NACC2: variants seen among roughly 807,000 people sequenced by gnomAD.
NACC2 encodes nucleus accumbens-associated protein 2.
A neutral mutation model predicts 25.1 loss-of-function variants in NACC2; 8 were observed. The ratio of observed to expected loss-of-function variants is 0.32; its 90% CI spans 0.19 to 0.57. The LOEUF (loss-of-function observed/expected upper bound fraction) is 0.57. NACC2 is among the 20% of genes least tolerant of loss of function. The pLI, the probability that NACC2 is intolerant of heterozygous loss-of-function variation, is 0.89. For missense variants in NACC2, 644 were observed against 650.2 expected (o/e 0.99, Z 0.10); for synonymous variants, 435 against 294.7 (o/e 1.48, Z -4.88).
chr9:136,089,537 G>T (rs113355235), intron 1 of NACC2, among the ~76,000 whole-genome samples: 3,909 of 151,754 alleles, frequency 0.026, 80 homozygotes, highest in Admixed American at 0.056. Flanking sequence ...AGCGCTGGGG[G>T]CCTCTCCCCA....
chr9:136,017,233 G>A (rs951121492), intron 2 of NACC2, among the ~76,000 whole-genome samples: 1 of 152,168 alleles, frequency 6.6e-6, no homozygotes. Flanking sequence ...CTGCAGCTGT[G>A]CAGCGCGACC....
intron 2 of NACC2, among the ~76,000 whole-genome samples, chr9:136,048,442 G>A (rs2131160784): frequency 6.6e-6 from 1 of 152,336 alleles, no homozygotes; most frequent in South Asian, 2.1e-4. Context: ...AAAGCTCCCA[G>A]TCTCAGGACA....
Position 136,050,034 on chromosome 9 carries a change from G to A in NACC2, c.488C>T (p.Pro163Leu). The A allele has an allele frequency of 1.4e-6, 1 of 708,136 alleles. No homozygotes were observed. Among genetic ancestry groups the A allele is most frequent in the East Asian group, 2.5e-5 (1 of 40,248 alleles). 43.9% of individuals were successfully genotyped at this position (708,136 alleles called of 1,614,324 possible). The change falls in exon 2 of 6, where the codon CCC (proline) becomes CTC (leucine). Residue 163 changes from proline (P) to leucine (L), a missense_variant. Coordinates refer to ENST00000277554, the MANE Select transcript of NACC2 (RefSeq NM_144653.5). ...AAAAAPYVVS[P>L]SVPIPLLTRV... ...GGTCAGCAGCGGGATGGGCACCGAGGGGGACACGACGTAGGGGGCCGCGGC... is the reference window on the plus strand; with the variant it reads ...GGTCAGCAGCGGGATGGGCACCGAGAGGGACACGACGTAGGGGGCCGCGGC...
Position 136,007,495 on chromosome 9 carries a change from A to G in NACC2, c.*4021T>C, listed in dbSNP as rs1293648860. ...CACACAGACGCACACACGCACAGAC[A>G]CACACATGCACAGACGCGCACACAC... On this transcript the variant is annotated 3_prime_UTR_variant, in exon 6 of 6. Coordinates refer to ENST00000277554, the MANE Select transcript of NACC2 (RefSeq NM_144653.5). 2 of 150,406 alleles carry G rather than the reference A, an allele frequency of 1.3e-5. No homozygotes were observed. The highest frequency in any genetic ancestry group is 2.2e-4 in the South Asian group (1 of 4,608). 9.3% of individuals were successfully genotyped at this position (150,406 alleles called of 1,614,324 possible).
chr9:136,069,089 G>A (rs1841120729), intron 1 of NACC2, among the ~76,000 whole-genome samples: 1 of 151,288 alleles, frequency 6.6e-6, no homozygotes, highest in Non-Finnish European at 1.5e-5. Context: ...TGTATTTTTA[G>A]TAGAGACGGG....
rs1830426684 is a variant in NACC2 at position 136,090,817 on chromosome 9, G to A, written c.-60+4372C>T. Among the ~76,000 whole-genome samples, 7 of 152,154 alleles carry A rather than the reference G, an allele frequency of 4.6e-5. No homozygotes were observed. The South Asian group carries it at 1.2e-3, about 27-fold the overall frequency. ...CCGGGCTGCCCTCGGGGCCCCGGTG[G>A]CTGAGCTGGGGCCGGCCAGCCCTGG... is the stretch of plus-strand genomic sequence containing the variant. On this transcript the variant is annotated intron_variant, in intron 1 of 5. Transcript: ENST00000277554.
rs543921731 is a variant in NACC2 at position 136,057,403 on chromosome 9, G to A, written c.-59-6823C>T. Reference sequence around the variant, plus strand: ...GACAGCTGGGGCTGGGGTGGCTCCTGTTGAGCCCCAGATCCGCCCTATGGC... The same window carrying A: ...GACAGCTGGGGCTGGGGTGGCTCCTATTGAGCCCCAGATCCGCCCTATGGC... On this transcript the variant is annotated intron_variant, in intron 1 of 5. Transcript: ENST00000277554. Among the ~76,000 whole-genome samples, 4 of 152,314 alleles carry A rather than the reference G, an allele frequency of 2.6e-5. No individual in the cohort carries two copies. In the East Asian group the frequency reaches 7.7e-4, roughly 29 times the overall value.
At chr9:136,057,723 C>T (rs914999805) in intron 1 of NACC2, among the ~76,000 whole-genome samples, 1 of 152,212 alleles carries the variant, frequency 6.6e-6, no homozygotes, top group Non-Finnish European at 1.5e-5. Context: ...ATTGGGGCTG[C>T]CCAGGCGGAG....
chr9:136,071,522 GAT>G (rs1841151504), intron 1 of NACC2, among the ~76,000 whole-genome samples: 1 of 121,230 alleles, frequency 8.2e-6, no homozygotes. Context: ...CAGCCTGGAT[GAT>G]AGAGTGAGAC....
At chr9:136,012,150 C>A in intron 5 of NACC2, 126 bp from the exon 6 acceptor site, 2 of 1,203,628 alleles carry the variant, frequency 1.7e-6, no homozygotes, top group South Asian at 1.6e-5. Flanking sequence ...ATGTGACCAC[C>A]TGGGGCTCTC....
At chr9:136,047,142 T>G (rs1840742160) in intron 2 of NACC2, among the ~76,000 whole-genome samples, 1 of 152,048 alleles carries the variant, frequency 6.6e-6, no homozygotes, top group Non-Finnish European at 1.5e-5. Context: ...CTGCCTCCAC[T>G]CCTGCACGGC....
intron 2 of NACC2, among the ~76,000 whole-genome samples, chr9:136,028,389 T>G (rs568723780): frequency 6.6e-6 from 1 of 151,434 alleles, no homozygotes; most frequent in East Asian, 1.9e-4. Flanking sequence ...TTTTTTTTTT[T>G]TTTTTGAGAC....
rs762425128 is a variant in NACC2, at chr9:136,013,968, G to C, written c.1053C>G (p.Gly351=). 6.4e-7 allele frequency: 1 copy of C among 1,559,822 alleles called. No homozygotes were observed. Among genetic ancestry groups the C allele is most frequent in the South Asian group, 1.1e-5 (1 of 90,428 alleles). ...GGCCGCGTGTGATGTAGACCCCAGA[G>C]CCTGCAGCCACCAAACAGAAAAAGG... is the stretch of plus-strand genomic sequence containing the variant. The part of the protein sequence containing the change: ...DPGEKLELVA[G]SGVYITRGQL... The change falls in exon 4 of 6, where the codon GGC becomes GGG. Residue 351 remains glycine (G), a splice_region_variant and synonymous_variant. Coordinates refer to ENST00000277554, the MANE Select transcript of NACC2 (RefSeq NM_144653.5). The surrounding 1 kb of genome is among the most constrained non-coding windows in gnomAD (Gnocchi z 6.6).
chr9:136,094,999 G>T (rs1383806408), intron 1 of NACC2, among the ~76,000 whole-genome samples, 190 bp downstream of exon 1: 1 of 146,082 alleles, frequency 6.8e-6, no homozygotes, highest in Non-Finnish European at 1.5e-5. Flanking sequence ...TCCCGAGGCC[G>T]GTTCCCGCGC....
At chr9:136,048,302 C>T (rs1421565574) in intron 2 of NACC2, among the ~76,000 whole-genome samples, 1 of 152,180 alleles carries the variant, frequency 6.6e-6, no homozygotes, top group African/African-American at 2.4e-5. Context: ...AGAGGGAAAG[C>T]GCACATGGGG....
intron 2 of NACC2, among the ~76,000 whole-genome samples, chr9:136,023,978 T>C (rs1481309299): frequency 6.6e-6 from 1 of 152,206 alleles, no homozygotes; most frequent in Non-Finnish European, 1.5e-5. Flanking sequence ...CACGTGCACA[T>C]GCGTCAGACA....
intron 1 of NACC2, among the ~76,000 whole-genome samples, chr9:136,051,033 AGGAG>A (rs1004306406): frequency 6.6e-6 from 1 of 152,146 alleles, no homozygotes; most frequent in African/African-American, 2.4e-5. Context: ...GCAGCGGGGA[AGGAG>A]GGAGGGAGGG....
intron 1 of NACC2, among the ~76,000 whole-genome samples, chr9:136,094,942 C>A (rs1285655868): frequency 6.8e-6 from 1 of 146,852 alleles, no homozygotes; most frequent in East Asian, 2.0e-4. Context: ...GGGTCGCGGG[C>A]GCCTCCGCCG....
rs1054961749 is a variant in NACC2, at chr9:136,027,157, G to A, written c.887-10728C>T. On this transcript the variant is annotated intron_variant, in intron 2 of 5. Coordinates refer to ENST00000277554, the MANE Select transcript of NACC2 (RefSeq NM_144653.5). ...CAAGAATTGCTAGAACCCGGGAGGC[G>A]GAGGTTGCAGTGAGCCGAGATAGCG... 6.6e-5 allele frequency among the ~76,000 whole-genome samples: 10 copies of A among 152,284 alleles called. No homozygotes were observed. In the East Asian group the frequency reaches 1.5e-3, roughly 24 times the overall value.
Sources: gnomAD v4.1 joint callset for allele counts (sites outside exome capture counted in the v4.1 genomes callset) on GRCh38, gnomAD v4.1.1 for gene constraint, Gnocchi (gnomAD v3.1) non-coding constraint, MANE v1.5 for transcripts, NCBI Gene and HGNC (gene_info 2026-07-23, HGNC 2026-07-21) for gene names.